GRIK4: variants seen among roughly 807,000 people sequenced by gnomAD.
GRIK4 encodes glutamate ionotropic receptor kainate type subunit 4.
A neutral mutation model predicts 104.9 loss-of-function variants in GRIK4; 40 were observed. The observed-to-expected ratio is 0.38, with a 90% confidence interval of 0.30 to 0.50. The LOEUF (loss-of-function observed/expected upper bound fraction) is 0.50, where lower values mean the gene tolerates loss of function less well. Ranked by LOEUF, GRIK4 falls within the 20% of genes least tolerant of loss-of-function variation. The pLI is 0.93. For synonymous variants in GRIK4, 485 were observed against 524.9 expected, an observed-to-expected ratio of 0.92 and a Z score of 1.04; for missense variants, 1,047 against 1,308.1, an observed-to-expected ratio of 0.80 and a Z score of 3.08.
chr11:120,685,114 A>G (rs1950256057), intron 3 of GRIK4, among the ~76,000 whole-genome samples: 1 of 152,328 alleles, frequency 6.6e-6, no homozygotes, highest in East Asian at 1.9e-4. Flanking sequence ...GAGTGTGGAA[A>G]GGAGCTTGGA....
At chr11:120,660,236 G>C in intron 2 of GRIK4, 33 bp from the exon 3 acceptor site, 1 of 937,772 alleles carries the variant, frequency 1.1e-6, no homozygotes, top group African/African-American at 1.6e-5. Flanking sequence ...CTGGAGCCTG[G>C]GACTCACGTG....
chr11:120,535,134 G>A (rs4084221), intron 1 of GRIK4, among the ~76,000 whole-genome samples: 42,073 of 152,076 alleles, frequency 0.28, 7,121 homozygotes, highest in Non-Finnish European at 0.39. Context: ...GTCACTAAAT[G>A]CGGAGCTGGG....
intron 1 of GRIK4, among the ~76,000 whole-genome samples, chr11:120,625,970 A>G (rs1316733496): frequency 1.3e-5 from 2 of 152,186 alleles, no homozygotes; most frequent in Non-Finnish European, 2.9e-5. Context: ...GAAGAAATAT[A>G]AAAGGCCAAC....
At chr11:120,915,524 T>C (rs936276195) in intron 13 of GRIK4, among the ~76,000 whole-genome samples, 2 of 152,078 alleles carry the variant, frequency 1.3e-5, no homozygotes, top group Non-Finnish European at 2.9e-5. Context: ...CCCCAGAAGA[T>C]TGCCGCTGGG....
chr11:120,797,775 A>G (rs939103646), intron 3 of GRIK4, among the ~76,000 whole-genome samples: 5 of 152,242 alleles, frequency 3.3e-5, no homozygotes, highest in African/African-American at 1.2e-4. Context: ...TTTGAGCACA[A>G]AGTTCTGCAT....
intron 3 of GRIK4, among the ~76,000 whole-genome samples, chr11:120,679,607 A>T (rs1280186978): frequency 6.6e-6 from 1 of 152,196 alleles, no homozygotes; most frequent in Admixed American, 6.5e-5. Context: ...AGAGGCACCA[A>T]GATGGGAACC....
chr11:120,917,622 G>A (rs768037328), intron 13 of GRIK4, among the ~76,000 whole-genome samples: 1 of 152,202 alleles, frequency 6.6e-6, no homozygotes, highest in Non-Finnish European at 1.5e-5. Flanking sequence ...GAGACAGTCA[G>A]CCACAGATTT....
chr11:120,722,612 CAA>C (rs35167995), intron 3 of GRIK4, among the ~76,000 whole-genome samples: 166 of 141,916 alleles, frequency 1.2e-3, no homozygotes, highest in Admixed American at 1.5e-3. Context: ...GAGACTCCAT[CAA>C]AAAAAAAAAA....
chr11:120,961,642 A>G (rs1944288698), intron 17 of GRIK4, among the ~76,000 whole-genome samples: 1 of 152,348 alleles, frequency 6.6e-6, no homozygotes, highest in African/African-American at 2.4e-5. Context: ...GCTCAGGAGA[A>G]AGCCCTGCCA....
At chr11:120,890,325 G>T (rs1397978107) in intron 11 of GRIK4, among the ~76,000 whole-genome samples, 1 of 152,148 alleles carries the variant, frequency 6.6e-6, no homozygotes, top group East Asian at 1.9e-4. Flanking sequence ...GAAAAAAAAT[G>T]TGGGTCCTCT....
At chr11:120,543,154 A>G (rs1471813062) in intron 1 of GRIK4, among the ~76,000 whole-genome samples, 4 of 152,204 alleles carry the variant, frequency 2.6e-5, no homozygotes, top group Non-Finnish European at 5.9e-5. Context: ...GGAAAAAACT[A>G]TTGAGTACTA....
intron 1 of GRIK4, among the ~76,000 whole-genome samples, chr11:120,519,120 TCTAACA>T (rs1226642022): frequency 6.6e-6 from 1 of 152,224 alleles, no homozygotes; most frequent in African/African-American, 2.4e-5. Flanking sequence ...TGCTTTTGTC[TCTAACA>T]CTAGGCTGAC....
intron 1 of GRIK4, among the ~76,000 whole-genome samples, chr11:120,641,729 C>T (rs1949474255): frequency 6.6e-6 from 1 of 152,092 alleles, no homozygotes; most frequent in African/African-American, 2.4e-5. Context: ...AGCTCGTTTA[C>T]CACACACCCT....
At chr11:120,550,971 A>G (rs529747080) in intron 1 of GRIK4, among the ~76,000 whole-genome samples, 1 of 151,990 alleles carries the variant, frequency 6.6e-6, no homozygotes, top group East Asian at 1.9e-4. Context: ...ATGAGTGCAC[A>G]GTGAAGGGCA....
chr11:120,642,992 A>G (rs1488715605), intron 1 of GRIK4, among the ~76,000 whole-genome samples: 1 of 152,116 alleles, frequency 6.6e-6, no homozygotes, highest in Non-Finnish European at 1.5e-5. Flanking sequence ...GGGAGTGTTT[A>G]ATCTTAACAC....
chr11:120,869,896 T>C (rs1032949598), intron 9 of GRIK4: 4 of 152,252 alleles, frequency 2.6e-5, no homozygotes, highest in African/African-American at 7.2e-5. Context: ...AAATGTGTTA[T>C]TGCGTGGCTT....
At chr11:120,641,799 GACTTAGAATGCCTA>G (rs1401109471) in intron 1 of GRIK4, among the ~76,000 whole-genome samples, 1 of 152,082 alleles carries the variant, frequency 6.6e-6, no homozygotes, top group Non-Finnish European at 1.5e-5. Flanking sequence ...CTCATTCTGT[GACTTAGAATGCCTA>G]ACTTCCTGGG....
chr11:120,978,787 A>G (rs1944603852), intron 19 of GRIK4, among the ~76,000 whole-genome samples: 2 of 152,198 alleles, frequency 1.3e-5, no homozygotes, highest in Non-Finnish European at 2.9e-5. Flanking sequence ...TAGGAAAATG[A>G]GAAGAAAATG....
chr11:120,786,456 C>T (rs1952276557), intron 3 of GRIK4, among the ~76,000 whole-genome samples: 1 of 152,184 alleles, frequency 6.6e-6, no homozygotes, highest in Non-Finnish European at 1.5e-5. Flanking sequence ...ACTCCCTTTC[C>T]TGTCCAGTGG....
Sources: gnomAD v4.1 joint callset for allele counts (sites outside exome capture counted in the v4.1 genomes callset) on GRCh38, gnomAD v4.1.1 for gene constraint, MANE v1.5 for transcripts, NCBI Gene and HGNC (gene_info 2026-07-23, HGNC 2026-07-21) for gene names.